The following CLINT1 variants were observed in gnomAD, a reference collection of about 807,000 sequenced individuals.
The protein encoded by CLINT1 is clathrin interacting protein localized in the trans-Golgi region.
CLINT1 carries 15 observed loss-of-function variants against 70.4 expected under a neutral mutation model. The observed-to-expected ratio is 0.21, with a 90% CI of 0.14 to 0.33. The LOEUF (loss-of-function observed/expected upper bound fraction) is 0.33, where lower values mean the gene tolerates loss of function less well. Among genes scored for constraint, CLINT1 ranks in the 10% least tolerant of loss-of-function variants. The pLI is 1.00. For missense variants in CLINT1, 615 were observed against 778.1 expected (o/e 0.79, Z 2.49); for synonymous variants, 227 against 254.7 (o/e 0.89, Z 1.04).
At chr5:157,823,312 T>C (rs941820004) in intron 1 of CLINT1, among the ~76,000 whole-genome samples, 7 of 152,214 alleles carry the variant, frequency 4.6e-5, no homozygotes, top group Non-Finnish European at 7.4e-5. Flanking sequence ...AGTATTATAT[T>C]GTAACCAAGG....
rs887228735 is a variant in CLINT1, at chr5:157,787,522, C to T, written c.*124G>A. The T allele has an allele frequency of 3.4e-6, 3 of 876,714 alleles. No individual in the cohort carries two copies. Among genetic ancestry groups the T allele is most frequent in the Admixed American group, 4.9e-5 (2 of 40,572 alleles). 54.3% of individuals were successfully genotyped at this position (876,714 alleles called of 1,614,324 possible). On this transcript the variant is annotated 3_prime_UTR_variant, in exon 12 of 12. Coordinates refer to ENST00000411809, the MANE Select transcript of CLINT1 (RefSeq NM_014666.4). ...CTTTTATAAAACAGCCTTTTTGGTT[C>T]TTTATGTAGATTTATTTTAATTACT... is the stretch of plus-strand genomic sequence containing the variant.
Position 157,806,054 on chromosome 5 carries a change from C to T in CLINT1, c.754G>A (p.Asp252Asn), listed in dbSNP as rs1242827531. Residue 252 changes from aspartate (D) to asparagine (N), a missense_variant, in exon 7 of 12, where the codon GAT becomes AAT. Asp to Asn is a conservative substitution (Grantham distance 23). Transcript: ENST00000411809. The stretch of plus-strand genomic sequence containing the variant: ...TTTGTCGTCACAGTCTCCTCTTCAT[C>T]TTTGAATTCACCTTTGGGAGATCTG... ...RGRSPKGEFK[D>N]EEETVTTKHI... is the part of the protein sequence containing the mutation. 2.5e-6 allele frequency: 4 copies of T among 1,613,982 alleles called. No individual in the cohort carries two copies. The highest frequency in any genetic ancestry group is 3.4e-6 in the Non-Finnish European group (4 of 1,179,882).
At chr5:157,816,699 C>T (rs768230560) in intron 3 of CLINT1, 35 bp downstream of exon 3, 11 of 1,441,686 alleles carry the variant, frequency 7.6e-6, no homozygotes, top group Non-Finnish European at 7.8e-6. Context: ...TTGTTTTCAA[C>T]ATGTCAAGTA....
intron 9 of CLINT1, among the ~76,000 whole-genome samples, chr5:157,792,255 T>TTA (rs1554097792): frequency 2.0e-5 from 3 of 150,738 alleles, no homozygotes; most frequent in African/African-American, 7.3e-5. Context: ...GAATTTACCA[T>TTA]AAAAAAAAAT....
At chr5:157,836,272 T>C (rs1051264850) in intron 1 of CLINT1, among the ~76,000 whole-genome samples, 15 of 152,206 alleles carry the variant, frequency 9.9e-5, no homozygotes, top group African/African-American at 3.4e-4. Context: ...GCAGCTACTA[T>C]TACTATCCCC....
At chr5:157,828,517 C>T (rs748563613) in intron 1 of CLINT1, among the ~76,000 whole-genome samples, 5 of 151,950 alleles carry the variant, frequency 3.3e-5, no homozygotes, top group Admixed American at 6.6e-5. Context: ...GAGCAAAGCC[C>T]GGAAGAACCA....
At chr5:157,798,568 A>G (rs899068942) in intron 8 of CLINT1, among the ~76,000 whole-genome samples, 4 of 152,190 alleles carry the variant, frequency 2.6e-5, no homozygotes, top group Non-Finnish European at 5.9e-5. Flanking sequence ...CATTAAAGCA[A>G]TGGCAAAGTG....
In CLINT1 at chr5:157,794,958, A is replaced by G. The variant is rs758819222; in HGVS notation, c.1027T>C (p.Leu343=). The change falls in exon 9 of 12, where the codon TTA becomes CTA. Residue 343 remains leucine (L), a synonymous_variant. Transcript: ENST00000411809. The part of the protein sequence containing the change: ...TSQSTGGSAD[L]FGGFADFGSA... ...CCAAAGTCAGCAAATCCTCCGAATAAATCAGCTGATCCTCCTAGAAGTTAA... is the reference window on the plus strand; with the variant it reads ...CCAAAGTCAGCAAATCCTCCGAATAGATCAGCTGATCCTCCTAGAAGTTAA... 16 of 1,554,016 alleles carry G rather than the reference A, an allele frequency of 1.0e-5. No individual in the cohort carries two copies. The highest frequency in any genetic ancestry group is 1.4e-5 in the Non-Finnish European group (16 of 1,148,080).
intron 9 of CLINT1, among the ~76,000 whole-genome samples, chr5:157,793,601 T>A (rs768886688): frequency 3.3e-5 from 5 of 152,184 alleles, no homozygotes; most frequent in Non-Finnish European, 7.4e-5. Context: ...TTTATATACA[T>A]AAAAACTTTG....
At chr5:157,848,569 T>C (rs1753461623) in intron 1 of CLINT1, among the ~76,000 whole-genome samples, 1 of 151,422 alleles carries the variant, frequency 6.6e-6, no homozygotes, top group African/African-American at 2.4e-5. Flanking sequence ...AGTGGCGCTA[T>C]TTCCGCTCAC....
intron 10 of CLINT1, chr5:157,790,787 G>A (rs1360941093): frequency 3.3e-6 from 1 of 304,914 alleles, no homozygotes; most frequent in Non-Finnish European, 6.4e-6. Flanking sequence ...CTAGTACTAG[G>A]TAATTCGGAT....
At chr5:157,829,213 G>A (rs1045282316) in intron 1 of CLINT1, among the ~76,000 whole-genome samples, 11 of 152,188 alleles carry the variant, frequency 7.2e-5, no homozygotes, top group Admixed American at 1.3e-4. Context: ...CCCTAGGCTA[G>A]CTGTGGAACA....
intron 1 of CLINT1, among the ~76,000 whole-genome samples, chr5:157,818,052 C>T (rs1187555160): frequency 6.6e-6 from 1 of 152,150 alleles, no homozygotes; most frequent in Non-Finnish European, 1.5e-5. Flanking sequence ...ACTATAAACA[C>T]TGAACTGTGA....
intron 6 of CLINT1, among the ~76,000 whole-genome samples, chr5:157,807,931 G>A (rs6556257): frequency 0.013 from 1,901 of 150,514 alleles, 17 homozygotes; most frequent in Non-Finnish European, 0.021. Context: ...AACACAGTTA[G>A]TGGTGGAACT....
intron 7 of CLINT1, among the ~76,000 whole-genome samples, chr5:157,805,187 A>G (rs891926089): frequency 6.6e-6 from 1 of 152,234 alleles, no homozygotes; most frequent in African/African-American, 2.4e-5. Flanking sequence ...TGTTTTTCCC[A>G]GCTTTTAGCT....
chr5:157,816,655 T>C, intron 3 of CLINT1, 79 bp downstream of exon 3: 3 of 870,138 alleles, frequency 3.4e-6, no homozygotes, highest in Non-Finnish European at 3.7e-6. Context: ...TACTTCAAAA[T>C]CACCTATGTA....
chr5:157,803,450 T>C (rs755203817), intron 8 of CLINT1, among the ~76,000 whole-genome samples, 200 bp downstream of exon 8: 8 of 152,046 alleles, frequency 5.3e-5, no homozygotes, highest in Non-Finnish European at 1.0e-4. Flanking sequence ...AGGTATAAAA[T>C]AGGGATAGAG....
At chr5:157,804,231 G>A (rs1005393519) in intron 7 of CLINT1, among the ~76,000 whole-genome samples, 1 of 151,942 alleles carries the variant, frequency 6.6e-6, no homozygotes, top group Non-Finnish European at 1.5e-5. Flanking sequence ...AAATTTCTAT[G>A]AACCTTAGCA....
intron 1 of CLINT1, among the ~76,000 whole-genome samples, chr5:157,818,651 A>G (rs1762793193): frequency 1.3e-5 from 2 of 151,980 alleles, no homozygotes; most frequent in Non-Finnish European, 2.9e-5. Flanking sequence ...CCTGTCTCCA[A>G]AAAACAAAAG....
Sources: allele counts gnomAD v4.1 joint callset (sites outside exome capture counted in the v4.1 genomes callset), GRCh38; gene constraint gnomAD v4.1.1; transcripts MANE v1.5; gene names NCBI Gene and HGNC (gene_info 2026-07-23, HGNC 2026-07-21).